DLGAP1: variants seen among roughly 807,000 people sequenced by gnomAD.
The protein encoded by DLGAP1 is DLG associated protein 1.
In DLGAP1, 11 loss-of-function variants were observed where a neutral mutation model predicts 90.8. That is an observed-to-expected ratio of 0.12 (90% confidence interval 0.08 to 0.20). DLGAP1 has a LOEUF of 0.20. Among genes scored for constraint, DLGAP1 ranks in the 10% least tolerant of loss-of-function variants. DLGAP1 has a pLI of 1.00. For synonymous variants in DLGAP1, 558 were observed against 540.7 expected (o/e 1.03, Z -0.44); for missense variants, 1,050 against 1,333.8 (o/e 0.79, Z 3.31).
chr18:4,355,905 T>C (rs2081503734), intron 1 of DLGAP1, among the ~76,000 whole-genome samples: 1 of 150,096 alleles, frequency 6.7e-6, no homozygotes, highest in African/African-American at 2.5e-5. Flanking sequence ...TCAAAATTTA[T>C]CTACTTGTTG....
At chr18:3,744,132 A>G (rs183906416) in intron 5 of DLGAP1, among the ~76,000 whole-genome samples, 5 of 152,320 alleles carry the variant, frequency 3.3e-5, no homozygotes, top group Admixed American at 2.6e-4. Flanking sequence ...AAATCAGAAA[A>G]TTTTGAAAAA....
chr18:3,759,831 T>C (rs1189272557), intron 5 of DLGAP1, among the ~76,000 whole-genome samples: 1 of 152,228 alleles, frequency 6.6e-6, no homozygotes, highest in African/African-American at 2.4e-5. Flanking sequence ...GGCTTTAAGT[T>C]ACACCTTGAG....
intron 3 of DLGAP1, among the ~76,000 whole-genome samples, chr18:3,881,861 C>G (rs1013047894): frequency 1.7e-4 from 26 of 152,102 alleles, no homozygotes; most frequent in Admixed American, 6.5e-4. Context: ...TGCAGTGAGC[C>G]GAGATCGTGC....
chr18:4,376,204 G>T (rs2082011445), intron 1 of DLGAP1, among the ~76,000 whole-genome samples: 1 of 152,136 alleles, frequency 6.6e-6, no homozygotes, highest in African/African-American at 2.4e-5. Flanking sequence ...CCAACCAGCT[G>T]TTAATGTCAC....
chr18:4,234,013 C>T (rs1198112289), intron 1 of DLGAP1, among the ~76,000 whole-genome samples: 1 of 151,772 alleles, frequency 6.6e-6, no homozygotes, highest in Non-Finnish European at 1.5e-5. Flanking sequence ...TCACTTCTGA[C>T]TCAGTTTGAG....
intron 4 of DLGAP1, among the ~76,000 whole-genome samples, chr18:3,853,395 A>AT (rs1459622723): frequency 6.6e-6 from 1 of 152,138 alleles, no homozygotes; most frequent in Admixed American, 6.6e-5. Context: ...CAGTAGCCCC[A>AT]TAAGATTATA....
chr18:3,499,148 A>G lies in DLGAP1; in HGVS notation c.*37T>C, dbSNP rs1405864237. The G allele has an allele frequency of 2.7e-6, 4 of 1,506,548 alleles. No homozygotes were observed. The African/African-American group carries it at 4.3e-5, about 16-fold the overall frequency. The allele number at this position is 1,506,548 out of a possible 1,614,324, so 93.3% of individuals were successfully genotyped here. Reference sequence around the variant, plus strand: ...AGAGGAGCGGCCGGGGGAGGAGGGGACAGATGCTTGGCGGCGGCGGCCGGG... The same window carrying G: ...AGAGGAGCGGCCGGGGGAGGAGGGGGCAGATGCTTGGCGGCGGCGGCCGGG... On this transcript the variant is annotated 3_prime_UTR_variant, in exon 13 of 13. Transcript: ENST00000315677. The surrounding 1 kb of genome is among the most constrained non-coding windows in gnomAD (Gnocchi z 6.4).
chr18:4,204,717 G>A (rs9950686), intron 1 of DLGAP1, among the ~76,000 whole-genome samples: 72,061 of 151,920 alleles, frequency 0.47, 17,928 homozygotes, highest in Non-Finnish European at 0.56. Flanking sequence ...CATTTGAAAT[G>A]TAGATGAAGT....
rs767254588 is a variant in DLGAP1, at chr18:3,772,396, C to CT, written c.1173-29885dup. ...TCTTTCTTTCTTTCTTTCTTTCTTT[C>CT]TTTCTTTCTTTCTCTTTCTTTCTTT... is the stretch of plus-strand genomic sequence containing the variant. On this transcript the variant is annotated intron_variant, in intron 5 of 12. Coordinates refer to ENST00000315677, the MANE Select transcript of DLGAP1 (RefSeq NM_004746.4). Among the ~76,000 whole-genome samples, 3 of 45,678 alleles carry CT rather than the reference C, an allele frequency of 6.6e-5. 1 individual carries two copies. Among genetic ancestry groups the CT allele is most frequent in the African/African-American group, 1.9e-4 (3 of 15,542 alleles). The allele number at this position is 45,678 out of a possible 152,430, so 30.0% of individuals were successfully genotyped here.
At position 3,942,124 on chromosome 18, in the gene DLGAP1, C is replaced by T. The variant is rs117779339; in HGVS notation, c.-72-61984G>A. ...GATTTAGGTAGTGGTCCTGTTTCAT[C>T]CCAACTTTGTGACCTGAAGTGAGCT... On this transcript the variant is annotated intron_variant, in intron 3 of 12. Transcript: ENST00000315677. Among the ~76,000 whole-genome samples the T allele has an allele frequency of 4.0e-3, 614 of 152,292 alleles. 2 individuals carry two copies. Among genetic ancestry groups the T allele is most frequent in the Middle Eastern group, 0.014 (4 of 294 alleles).
chr18:3,996,672 T>TA (rs2074077894), intron 3 of DLGAP1, among the ~76,000 whole-genome samples: 2 of 151,990 alleles, frequency 1.3e-5, no homozygotes, highest in South Asian at 4.1e-4. Context: ...ATTATATTGG[T>TA]AAAAAAGGCT....
intron 1 of DLGAP1, among the ~76,000 whole-genome samples, chr18:4,428,576 T>C (rs966580314): frequency 4.6e-5 from 7 of 152,028 alleles, no homozygotes; most frequent in African/African-American, 1.7e-4. Context: ...AGTGAGACTC[T>C]GTTTTAAAAA....
chr18:3,666,581 G>T (rs78339705), intron 7 of DLGAP1, among the ~76,000 whole-genome samples: 19,352 of 152,176 alleles, frequency 0.13, 1,559 homozygotes, highest in Non-Finnish European at 0.17. Context: ...CAGGATCAGA[G>T]AATGCAGTTC....
chr18:4,402,249 T>G (rs17436205), intron 1 of DLGAP1, among the ~76,000 whole-genome samples: 49,496 of 152,126 alleles, frequency 0.33, 8,207 homozygotes, highest in Admixed American at 0.36. Context: ...TTTAGGACAT[T>G]AAGATGCATA....
At position 4,123,117 on chromosome 18, in the gene DLGAP1, C is replaced by T. The variant is rs115745568; in HGVS notation, c.-159+28063G>A. ...AAATATAGAATTGGAAACTTAGTAT[C>T]CTTCCAGCTCTTTCTCCCTCATGGG... On this transcript the variant is annotated intron_variant, in intron 2 of 12. Coordinates refer to ENST00000315677, the MANE Select transcript of DLGAP1 (RefSeq NM_004746.4). Among the ~76,000 whole-genome samples, 985 of 152,238 alleles carry T rather than the reference C, an allele frequency of 6.5e-3. 10 individuals carry two copies. The highest frequency in any genetic ancestry group is 0.034 in the Middle Eastern group (10 of 294).
chr18:3,723,791 T>C (rs1292255011), intron 7 of DLGAP1, among the ~76,000 whole-genome samples: 1 of 151,768 alleles, frequency 6.6e-6, no homozygotes, highest in Non-Finnish European at 1.5e-5. Context: ...TGGGGGAGGG[T>C]GTAAGGTAGG....
chr18:3,937,093 G>A (rs1159982475), intron 3 of DLGAP1, among the ~76,000 whole-genome samples: 1 of 152,194 alleles, frequency 6.6e-6, no homozygotes, highest in Non-Finnish European at 1.5e-5. Context: ...GCCAGCTTCT[G>A]AAATAATGTA....
chr18:4,001,295 T>TA (rs1476347786), intron 3 of DLGAP1, among the ~76,000 whole-genome samples: 1 of 152,100 alleles, frequency 6.6e-6, no homozygotes, highest in Non-Finnish European at 1.5e-5. Flanking sequence ...TTTGAGTTCT[T>TA]AAAATTCTGG....
intron 7 of DLGAP1, chr18:3,656,290 T>C: frequency 1.9e-6 from 1 of 516,344 alleles, no homozygotes; most frequent in Non-Finnish European, 3.3e-6. Context: ...TAACTAGGTC[T>C]CATGGATGTC....
Sources: gnomAD v4.1 joint callset for allele counts (sites outside exome capture counted in the v4.1 genomes callset) on GRCh38, gnomAD v4.1.1 for gene constraint, Gnocchi (gnomAD v3.1) non-coding constraint, MANE v1.5 for transcripts, NCBI Gene and HGNC (gene_info 2026-07-23, HGNC 2026-07-21) for gene names.